The following CDC20B variants were observed in gnomAD, a reference collection of about 807,000 sequenced individuals.
CDC20B encodes the protein cell division cycle protein 20 homolog B.
Under a neutral mutation model 64.1 loss-of-function variants are expected in CDC20B, and 58 were observed. The ratio of observed to expected loss-of-function variants is 0.90; its 90% CI spans 0.73 to 1.13. The LOEUF is 1.13. CDC20B is among the 50% of genes most tolerant of loss of function. The probability of loss-of-function intolerance (pLI) is 0.00; values close to 1 mark genes in which losing one functional copy is unlikely to be tolerated. For synonymous variants in CDC20B, 243 were observed against 230.6 expected (o/e 1.05, Z -0.49); for missense variants, 597 against 633.0 (o/e 0.94, Z 0.61).
At position 55,146,851 on chromosome 5, in the gene CDC20B, G is replaced by A. The variant is rs1453095771; in HGVS notation, c.132C>T (p.Leu44=). ...CAGAATACGTAGCATTAACTGAATC[G>A]AGTACCTGTTTAACAACAAAAACAG... ...QKRSQDSANV[L]DSVNATYSDF... Residue 44 remains leucine, a synonymous_variant, in exon 3 of 12, where the codon CTC becomes CTT. Coordinates refer to ENST00000381375, the MANE Select transcript of CDC20B (RefSeq NM_001170402.1). The A allele has an allele frequency of 2.5e-6, 4 of 1,613,376 alleles. No homozygotes were observed. The highest frequency in any genetic ancestry group is 2.2e-5 in the South Asian group (2 of 91,022).
chr5:55,158,105 G>A (rs1282406799), intron 2 of CDC20B, among the ~76,000 whole-genome samples: 3 of 152,078 alleles, frequency 2.0e-5, no homozygotes, highest in Non-Finnish European at 4.4e-5. Context: ...AAACTTAAAC[G>A]TGTGTATGTG....
At chr5:55,163,512 T>C (rs1465877424) in intron 2 of CDC20B, among the ~76,000 whole-genome samples, 4 of 152,010 alleles carry the variant, frequency 2.6e-5, no homozygotes, top group Non-Finnish European at 2.9e-5. Context: ...TTTTTGGCTT[T>C]TAATTTTATT....
intron 5 of CDC20B, among the ~76,000 whole-genome samples, chr5:55,135,605 G>A (rs146347858): frequency 4.6e-5 from 7 of 152,162 alleles, no homozygotes; most frequent in Non-Finnish European, 1.0e-4. Flanking sequence ...TTACTGCTGG[G>A]AAACAGACGC....
chr5:55,154,765 T>C (rs546063117), intron 2 of CDC20B, among the ~76,000 whole-genome samples: 8 of 152,336 alleles, frequency 5.3e-5, no homozygotes, highest in African/African-American at 1.7e-4. Context: ...CTAATAATTA[T>C]GTATTTAATG....
chr5:55,148,737 G>C (rs1476635689), intron 2 of CDC20B, among the ~76,000 whole-genome samples: 1 of 152,184 alleles, frequency 6.6e-6, no homozygotes, highest in Non-Finnish European at 1.5e-5. Flanking sequence ...TCTAAGATAT[G>C]AGCCAAGATG....
chr5:55,116,632 G>C (rs1350409864), intron 11 of CDC20B, among the ~76,000 whole-genome samples: 1 of 152,100 alleles, frequency 6.6e-6, no homozygotes, highest in Non-Finnish European at 1.5e-5. Context: ...AATTTTTCTA[G>C]AAATGGAGTC....
intron 2 of CDC20B, among the ~76,000 whole-genome samples, chr5:55,155,870 A>G (rs1172146026): frequency 6.6e-6 from 1 of 152,142 alleles, no homozygotes; most frequent in Admixed American, 6.5e-5. Context: ...ACACACAGAA[A>G]AGCCTTTTGG....
At chr5:55,123,866 A>G (rs1367181549) in intron 9 of CDC20B, among the ~76,000 whole-genome samples, 1 of 152,222 alleles carries the variant, frequency 6.6e-6, no homozygotes, top group Non-Finnish European at 1.5e-5. Flanking sequence ...ATGAAAAACT[A>G]CAAGCCAGGA....
At chr5:55,160,170 A>C (rs772640157) in intron 2 of CDC20B, 3 of 1,588,856 alleles carry the variant, frequency 1.9e-6, no homozygotes. Flanking sequence ...GGCTGCTGAG[A>C]CTTCCCTCTA....
chr5:55,115,517 A>G (rs1367840723), intron 11 of CDC20B, among the ~76,000 whole-genome samples: 1 of 152,186 alleles, frequency 6.6e-6, no homozygotes, highest in African/African-American at 2.4e-5. Context: ...CCAATCCAAC[A>G]GTGACTTTAA....
chr5:55,140,263 A>T, intron 5 of CDC20B, 51 bp downstream of exon 5: 1 of 995,822 alleles, frequency 1.0e-6, no homozygotes, highest in Non-Finnish European at 1.5e-6. Context: ...GAAATGAAGG[A>T]GGCAGAGAGA....
chr5:55,115,309 G>A (rs1206930934), intron 11 of CDC20B, among the ~76,000 whole-genome samples: 1 of 152,162 alleles, frequency 6.6e-6, no homozygotes, highest in Non-Finnish European at 1.5e-5. Context: ...ACACTAATTT[G>A]GAAGCTTTGA....
intron 2 of CDC20B, among the ~76,000 whole-genome samples, chr5:55,155,604 G>T (rs1418303438): frequency 1.3e-5 from 2 of 152,150 alleles, no homozygotes; most frequent in African/African-American, 2.4e-5. Context: ...AATGTTCATC[G>T]TCTCATGTTT....
intron 2 of CDC20B, among the ~76,000 whole-genome samples, chr5:55,153,305 C>A (rs1743723510): frequency 6.9e-6 from 1 of 145,246 alleles, no homozygotes; most frequent in African/African-American, 2.6e-5. Context: ...AACATTTCTG[C>A]AGAAATTAGA....
At chr5:55,167,165 A>T (rs1744439986) in intron 2 of CDC20B, 2 of 152,204 alleles carry the variant, frequency 1.3e-5, no homozygotes, top group African/African-American at 4.8e-5. Flanking sequence ...TAACTAATTC[A>T]CTGACTTGAA....
intron 11 of CDC20B, among the ~76,000 whole-genome samples, chr5:55,119,516 G>A (rs537812821): frequency 3.3e-4 from 50 of 152,268 alleles, no homozygotes; most frequent in African/African-American, 1.2e-3. Context: ...AAGATGATTT[G>A]TGATGCTAAC....
intron 3 of CDC20B, among the ~76,000 whole-genome samples, chr5:55,146,178 C>T (rs1442553758): frequency 6.6e-6 from 1 of 152,154 alleles, no homozygotes; most frequent in East Asian, 1.9e-4. Context: ...GAAAGCCTAA[C>T]TTAGCTGAGT....
intron 2 of CDC20B, chr5:55,164,957 A>T (rs1249144327): frequency 6.6e-6 from 1 of 152,198 alleles, no homozygotes; most frequent in Non-Finnish European, 1.5e-5. Context: ...GAAGCAACTC[A>T]AATTCTGTAA....
chr5:55,166,117 G>C (rs1293005513), intron 2 of CDC20B: 2 of 152,246 alleles, frequency 1.3e-5, no homozygotes, highest in Non-Finnish European at 2.9e-5. Context: ...TGAACTCATA[G>C]CAGTGCTGTG....
Sources: gnomAD v4.1 joint callset for allele counts (sites outside exome capture counted in the v4.1 genomes callset) on GRCh38, gnomAD v4.1.1 for gene constraint, MANE v1.5 for transcripts, NCBI Gene and HGNC (gene_info 2026-07-23, HGNC 2026-07-21) for gene names.